REPS2: variants seen among roughly 807,000 people sequenced by gnomAD.
REPS2 encodes ralBP1-associated Eps domain-containing protein 2.
REPS2 carries 23 observed loss-of-function variants against 53.6 expected under a neutral mutation model. The ratio of observed to expected loss-of-function variants is 0.43; its 90% CI spans 0.31 to 0.61. The LOEUF (loss-of-function observed/expected upper bound fraction) is 0.61. REPS2 is among the 20% of genes least tolerant of loss of function. The pLI is 0.11. For synonymous variants in REPS2, 238 were observed against 218.6 expected (o/e 1.09, Z -0.78); for missense variants, 446 against 534.9 (o/e 0.83, Z 1.64).
intron 1 of REPS2, among the ~76,000 whole-genome samples, chrX:16,968,790 A>C (rs1602542981): frequency 2.4e-5 from 2 of 83,926 alleles, no homozygotes; most frequent in African/African-American, 4.7e-5. Flanking sequence ...GGCGCCCCTC[A>C]CCTCCCGGAT....
Position 16,978,767 on chromosome X carries a change from T to C in REPS2, c.274-27454T>C, listed in dbSNP as rs141752053. Among the ~76,000 whole-genome samples the C allele has an allele frequency of 6.0e-4, 67 of 112,316 alleles. 1 individual carries two copies. In the East Asian group the frequency reaches 0.018, roughly 31 times the overall value. Reference sequence around the variant, plus strand: ...TTACCTTCTTTCACCCTAGCAAAGATTGTTAACATAAAACAGATGTTCCTT... The same window carrying C: ...TTACCTTCTTTCACCCTAGCAAAGACTGTTAACATAAAACAGATGTTCCTT... On this transcript the variant is annotated intron_variant, in intron 1 of 17. Coordinates refer to ENST00000357277, the MANE Select transcript of REPS2 (RefSeq NM_004726.3).
chrX:16,996,997 A>G (rs889348286), intron 1 of REPS2, among the ~76,000 whole-genome samples: 1 of 112,538 alleles, frequency 8.9e-6, no homozygotes, highest in Non-Finnish European at 1.9e-5. Flanking sequence ...GAGAAGCACT[A>G]AAAATGTCAA....
At chrX:16,979,440 C>T (rs773198872) in intron 1 of REPS2, among the ~76,000 whole-genome samples, 53 of 111,468 alleles carry the variant, frequency 4.8e-4, no homozygotes, top group Admixed American at 1.3e-3. Flanking sequence ...AGGATGTAGG[C>T]GGAGGATAAA....
the REPS2 span, among the ~76,000 whole-genome samples, chrX:17,162,715 T>C: frequency 1.8e-5 from 2 of 112,528 alleles, no homozygotes; most frequent in South Asian, 7.2e-4. Context: ...AGAGAACCCC[T>C]CAGCAAAGAC....
intron 6 of REPS2, 105 bp from the exon 7 acceptor site, chrX:17,052,277 C>T: frequency 1.7e-6 from 1 of 600,193 alleles, no homozygotes; most frequent in African/African-American, 2.2e-5. Flanking sequence ...TGTGGTTATA[C>T]AGAAGAGATT....
chrX:16,968,765 G>T (rs2060825329), intron 1 of REPS2, among the ~76,000 whole-genome samples: 2 of 106,692 alleles, frequency 1.9e-5, no homozygotes, highest in Non-Finnish European at 3.9e-5. Flanking sequence ...TTCCCAGTAG[G>T]GGCGGCCGGG....
At position 17,054,899 on chromosome X, in the gene REPS2, C is replaced by G. The variant is rs775280138; in HGVS notation, c.1063C>G (p.Pro355Ala). 8.3e-7 allele frequency: 1 copy of G among 1,211,662 alleles called. No individual in the cohort carries two copies. Among genetic ancestry groups the G allele is most frequent in the South Asian group, 1.8e-5 (1 of 56,988 alleles). ...HLIVARKNGY[P>A]LPEGLPPTLQ... ...CATTGTGGCTCGGAAGAACGGCTAC[C>G]CATTGCCTGAGGGCCTCCCTCCAAC... Residue 355 changes from proline (P) to alanine (A), a missense_variant, in exon 8 of 18, where the codon CCA becomes GCA. By Grantham distance (27) the Pro-to-Ala change is conservative. Coordinates refer to ENST00000357277, the MANE Select transcript of REPS2 (RefSeq NM_004726.3).
At chrX:17,189,702 GTGTGTC>G in the REPS2 span, among the ~76,000 whole-genome samples, 2 of 111,014 alleles carry the variant, frequency 1.8e-5, no homozygotes, top group Non-Finnish European at 3.8e-5. Flanking sequence ...GTGTGTCTGT[GTGTGTC>G]TGTGTCTGTG....
chrX:16,948,228 G>A (rs2060465714), intron 1 of REPS2, among the ~76,000 whole-genome samples: 1 of 112,436 alleles, frequency 8.9e-6, no homozygotes, highest in Admixed American at 9.4e-5. Context: ...TTAAGACTGC[G>A]TTTTATACTG....
chrX:17,066,149 A>G (rs2062222489), intron 9 of REPS2, among the ~76,000 whole-genome samples: 1 of 112,275 alleles, frequency 8.9e-6, no homozygotes, highest in South Asian at 3.7e-4. Flanking sequence ...TGATTATGCC[A>G]GTACCACAGT....
chrX:16,959,454 A>G (rs771953032), intron 1 of REPS2, among the ~76,000 whole-genome samples: 7 of 111,840 alleles, frequency 6.3e-5, no homozygotes, highest in Non-Finnish European at 1.1e-4. Context: ...GTTTGTCCTT[A>G]TTCATGACAC....
chrX:17,185,607 A>G, the REPS2 span, among the ~76,000 whole-genome samples: 1 of 111,840 alleles, frequency 8.9e-6, no homozygotes, highest in Non-Finnish European at 1.9e-5. Flanking sequence ...AGATGTGGCA[A>G]TTCCGCCTTT....
intron 14 of REPS2, among the ~76,000 whole-genome samples, chrX:17,106,700 C>T (rs1288825676): frequency 9.0e-6 from 1 of 111,632 alleles, no homozygotes; most frequent in African/African-American, 3.3e-5. Flanking sequence ...AGGCATGAGC[C>T]ACCATGCCCG....
Position 16,947,078 on chromosome X carries a change from G to A in REPS2, c.217G>A (p.Gly73Ser), listed in dbSNP as rs763632604. 588 of 1,075,348 alleles carry A rather than the reference G, an allele frequency of 5.5e-4. 3 individuals are homozygous for A. The highest frequency in any genetic ancestry group is 6.0e-4 in the Non-Finnish European group (499 of 833,603). 88.6% of individuals were successfully genotyped at this position (1,075,348 alleles called of 1,213,427 possible). The change falls in exon 1 of 18, where the codon GGC becomes AGC. Residue 73 changes from glycine to serine, a missense_variant. By Grantham distance (56) the Gly-to-Ser change is moderately conservative. Transcript: ENST00000357277. ...CCCCGGCACGGCCACTGCGGCCGCC[G>A]GCCCCGTGGCTGACCTGTTTCGGGC... ...VAPGTATAAA[G>S]PVADLFRASQ...
At chrX:17,189,290 CT>C in the REPS2 span, among the ~76,000 whole-genome samples, 423 of 99,198 alleles carry the variant, frequency 4.3e-3, 1 homozygote, top group African/African-American at 0.01. Context: ...TTCTTTTTTT[CT>C]TTTTTTTTTT....
intron 1 of REPS2, among the ~76,000 whole-genome samples, chrX:16,955,811 G>A (rs145825675): frequency 1.2e-4 from 13 of 111,728 alleles, no homozygotes; most frequent in African/African-American, 3.3e-4. Flanking sequence ...AGAATTTTGC[G>A]GGGGACACCT....
chrX:17,196,106 C>T, the REPS2 span, among the ~76,000 whole-genome samples: 1 of 111,877 alleles, frequency 8.9e-6, no homozygotes, highest in African/African-American at 3.2e-5. Context: ...TGCTGTTCTT[C>T]TGCCATTAAG....
the REPS2 span, among the ~76,000 whole-genome samples, chrX:17,166,029 T>C: frequency 8.9e-6 from 1 of 111,904 alleles, no homozygotes; most frequent in African/African-American, 3.2e-5. Context: ...GCCTTCATGA[T>C]TATTATACAT....
intron 17 of REPS2, among the ~76,000 whole-genome samples, chrX:17,142,223 G>A (rs2063456058): frequency 8.9e-6 from 1 of 111,960 alleles, no homozygotes; most frequent in Non-Finnish European, 1.9e-5. Flanking sequence ...CTTGAAATGA[G>A]TCATAGATGT....
Sources: allele counts gnomAD v4.1 joint callset (sites outside exome capture counted in the v4.1 genomes callset), GRCh38; gene constraint gnomAD v4.1.1; transcripts MANE v1.5; gene names NCBI Gene and HGNC (gene_info 2026-07-23, HGNC 2026-07-21).